Variants in BIRC6 observed in about 807,000 individuals in gnomAD.
BIRC6 encodes baculoviral IAP repeat containing 6, also known as dual E2 ubiquitin-conjugating enzyme/E3 ubiquitin-protein ligase BIRC6.
Under a neutral mutation model 503.3 loss-of-function variants are expected in BIRC6, and 98 were observed. The ratio of observed to expected loss-of-function variants is 0.19; its 90% CI spans 0.17 to 0.23. BIRC6 has a LOEUF of 0.23. Among genes scored for constraint, BIRC6 ranks in the 10% least tolerant of loss-of-function variants. The probability of loss-of-function intolerance (pLI) is 1.00; values close to 1 mark genes in which losing one functional copy is unlikely to be tolerated. For missense variants in BIRC6, 5,360 were observed against 5,806.0 expected (o/e 0.92, Z 2.50); for synonymous variants, 2,240 against 2,078.7 (o/e 1.08, Z -2.11).
intron 61 of BIRC6, among the ~76,000 whole-genome samples, chr2:32,531,991 G>T (rs574205800): frequency 6.6e-6 from 1 of 152,082 alleles, no homozygotes; most frequent in African/African-American, 2.4e-5. Flanking sequence ...ACCTATTCCC[G>T]TGTTCATTTA....
At position 32,505,859 on chromosome 2, in the gene BIRC6, C is replaced by CT. The variant is rs199788106; in HGVS notation, c.9700+664dup. 3.4e-3 allele frequency among the ~76,000 whole-genome samples: 502 copies of CT among 147,724 alleles called. 6 individuals carry two copies. The highest frequency in any genetic ancestry group is 0.011 in the African/African-American group (426 of 40,338). On this transcript the variant is annotated intron_variant, in intron 50 of 73. Transcript: ENST00000421745. ...ATAAAGAATATGAAATACTCATTTG[C>CT]TTTTTTTTTTGAGGCAGGGTCTCAC...
At chr2:32,567,382 G>A (rs557766085) in intron 65 of BIRC6, among the ~76,000 whole-genome samples, 2 of 152,330 alleles carry the variant, frequency 1.3e-5, no homozygotes, top group African/African-American at 4.8e-5. Context: ...TTTGTCTCTT[G>A]AAGATGCTAC....
chr2:32,380,125 ATTTTT>A (rs968011642), intron 2 of BIRC6, 23 bp from the exon 3 acceptor site: 1 of 1,437,010 alleles, frequency 7.0e-7, no homozygotes, highest in African/African-American at 1.4e-5. Context: ...ATTTTCTGTG[ATTTTT>A]TTATTTTTTA....
chr2:32,587,302 A>G (rs2061100963), intron 66 of BIRC6, among the ~76,000 whole-genome samples: 6 of 151,964 alleles, frequency 3.9e-5, no homozygotes. Flanking sequence ...CAGGAGAATC[A>G]TTTGAACCCG....
Position 32,430,882 on chromosome 2 carries a change from G to GACC in BIRC6, c.3042_3044dup (p.Asp1014_Gln1015insHis). 6.2e-7 allele frequency: 1 copy of GACC among 1,602,346 alleles called. No homozygotes were observed. Among genetic ancestry groups the GACC allele is most frequent in the Middle Eastern group, 1.7e-4 (1 of 5,998 alleles). On this transcript the variant is annotated inframe_insertion, in exon 12 of 74. Coordinates refer to ENST00000421745, the MANE Select transcript of BIRC6 (RefSeq NM_016252.4). ...ATGTTAAGGAGTTGATTTATTGGTG[G>GACC]ACCAGCCATTCACCCTTGAAATCTT... is the stretch of plus-strand genomic sequence containing the variant.
intron 62 of BIRC6, 91 bp from the exon 63 acceptor site, chr2:32,545,552 C>T (rs891446744): frequency 9.6e-7 from 1 of 1,041,726 alleles, no homozygotes; most frequent in Admixed American, 1.7e-5. Context: ...TTTTGTATTA[C>T]AGTGTCATTA....
chr2:32,537,286 T>C (rs1316533734), intron 61 of BIRC6, among the ~76,000 whole-genome samples: 4 of 152,158 alleles, frequency 2.6e-5, no homozygotes, highest in African/African-American at 9.7e-5. Flanking sequence ...CAAGTGGACC[T>C]AATAGACATC....
chr2:32,597,707 C>T, intron 68 of BIRC6, 44 bp from the exon 69 acceptor site: 1 of 1,425,452 alleles, frequency 7.0e-7, no homozygotes, highest in African/African-American at 1.4e-5. Context: ...GTCATTATAA[C>T]AATTTTTTGC....
chr2:32,358,202 A>G (rs1030422111), intron 1 of BIRC6, among the ~76,000 whole-genome samples: 2 of 152,192 alleles, frequency 1.3e-5, no homozygotes, highest in Admixed American at 1.3e-4. Flanking sequence ...GTGACGAGAA[A>G]GTCAGGACCT....
chr2:32,535,126 C>T (rs1340699556), intron 61 of BIRC6, among the ~76,000 whole-genome samples: 1 of 65,184 alleles, frequency 1.5e-5, no homozygotes, highest in Non-Finnish European at 2.7e-5. Context: ...GGCAACATAA[C>T]AAGACCTCAT....
intron 9 of BIRC6, among the ~76,000 whole-genome samples, chr2:32,412,714 CA>C (rs1296815629): frequency 6.6e-6 from 1 of 151,270 alleles, no homozygotes; most frequent in Non-Finnish European, 1.5e-5. Context: ...CACTGATAAT[CA>C]GCAGAGGATG....
rs190747492 is a variant in BIRC6 at position 32,492,586 on chromosome 2, A to G, written c.8341-954A>G. Among the ~76,000 whole-genome samples, 5 of 152,098 alleles carry G rather than the reference A, an allele frequency of 3.3e-5. 1 individual carries two copies. The highest frequency in any genetic ancestry group is 3.3e-4 in the Admixed American group (5 of 15,274). On this transcript the variant is annotated intron_variant, in intron 44 of 73. Coordinates refer to ENST00000421745, the MANE Select transcript of BIRC6 (RefSeq NM_016252.4). ...ACATGTAAGAAAACATGCATCAGCT[A>G]TATTGCCCCAAATTACATAACTAGT...
At chr2:32,395,229 A>C (rs1023090705) in intron 5 of BIRC6, among the ~76,000 whole-genome samples, 3 of 152,182 alleles carry the variant, frequency 2.0e-5, no homozygotes, top group Non-Finnish European at 2.9e-5. Flanking sequence ...TTAATATTTC[A>C]GATGCTTTAG....
rs555976518 is a variant in BIRC6, at chr2:32,500,691, C to T, written c.9031+582C>T. Among the ~76,000 whole-genome samples the T allele has an allele frequency of 1.0e-4, 15 of 144,320 alleles. No individual in the cohort carries two copies. In the East Asian group the frequency reaches 1.3e-3, roughly 12 times the overall value. The allele number at this position is 144,320 out of a possible 152,430, so 94.7% of individuals were successfully genotyped here. On this transcript the variant is annotated intron_variant, in intron 46 of 73. Coordinates refer to ENST00000421745, the MANE Select transcript of BIRC6 (RefSeq NM_016252.4). The stretch of plus-strand genomic sequence containing the variant: ...TGTGATCTCGGTTCATTGCAACCTC[C>T]GCCTCCTAGGTTCAAGCAATTCTCA...
chr2:32,433,934 T>C, intron 13 of BIRC6, 130 bp downstream of exon 13: 1 of 725,596 alleles, frequency 1.4e-6, no homozygotes, highest in Non-Finnish European at 2.1e-6. Context: ...TTACTTTTTG[T>C]GATTTTATTT....
At chr2:32,593,885 T>C (rs2061528848) in intron 66 of BIRC6, 30 bp from the exon 67 acceptor site, 2 of 1,589,584 alleles carry the variant, frequency 1.3e-6, no homozygotes, top group Non-Finnish European at 1.7e-6. Context: ...TAATTTTCCT[T>C]GCTTTTCTTT....
At chr2:32,530,602 G>A (rs750329609) in intron 60 of BIRC6, among the ~76,000 whole-genome samples, 1 of 77,732 alleles carries the variant, frequency 1.3e-5, no homozygotes, top group South Asian at 5.9e-4. Flanking sequence ...CCCAATCATC[G>A]AAACATTGTG....
chr2:32,447,075 T>G (rs2148455444), intron 21 of BIRC6, among the ~76,000 whole-genome samples: 1 of 143,744 alleles, frequency 7.0e-6, no homozygotes, highest in South Asian at 2.4e-4. Flanking sequence ...GGGGATAAGG[T>G]CACAGATCAA....
intron 15 of BIRC6, among the ~76,000 whole-genome samples, chr2:32,436,426 C>T (rs2044705522): frequency 6.6e-6 from 1 of 152,124 alleles, no homozygotes; most frequent in South Asian, 2.1e-4. Flanking sequence ...GAAGAAATGA[C>T]TACAGGATGA....
Sources: gnomAD v4.1 joint callset for allele counts (sites outside exome capture counted in the v4.1 genomes callset) on GRCh38, gnomAD v4.1.1 for gene constraint, MANE v1.5 for transcripts, NCBI Gene and HGNC (gene_info 2026-07-23, HGNC 2026-07-21) for gene names.